FRMPD4: variants seen among roughly 807,000 people sequenced by gnomAD.
The protein encoded by FRMPD4 is FERM and PDZ domain containing 4, also known as FERM and PDZ domain-containing protein 4.
Under a neutral mutation model 94.1 loss-of-function variants are expected in FRMPD4, and 22 were observed. The ratio of observed to expected loss-of-function variants is 0.23; its 90% CI spans 0.17 to 0.33. The LOEUF (loss-of-function observed/expected upper bound fraction) is 0.33, where lower values mean the gene tolerates loss of function less well. FRMPD4 is among the 10% of genes least tolerant of loss of function. FRMPD4 has a pLI of 1.00. For missense variants in FRMPD4, 1,111 were observed against 1,339.9 expected, an observed-to-expected ratio of 0.83 and a Z score of 2.67; for synonymous variants, 631 against 548.6, an observed-to-expected ratio of 1.15 and a Z score of -2.10.
At chrX:12,273,801 C>G (rs1393199295) in intron 1 of FRMPD4, among the ~76,000 whole-genome samples, 1 of 112,514 alleles carries the variant, frequency 8.9e-6, no homozygotes, top group African/African-American at 3.2e-5. Context: ...TCTCATTGTA[C>G]TGAGTTTTCA....
At chrX:12,121,841 G>A (rs2055457036) in intron 3 of FRMPD4, among the ~76,000 whole-genome samples, 1 of 111,329 alleles carries the variant, frequency 9.0e-6, no homozygotes, top group African/African-American at 3.3e-5. Flanking sequence ...TCCTAGGGAC[G>A]ATCTGGATCT....
intron 3 of FRMPD4, among the ~76,000 whole-genome samples, chrX:12,103,826 T>C (rs1457527281): frequency 8.9e-6 from 1 of 112,403 alleles, no homozygotes; most frequent in Non-Finnish European, 1.9e-5. Context: ...ATAAGTATTC[T>C]TCCAGTAGAA....
At chrX:12,461,264 A>G (rs2057387930) in intron 1 of FRMPD4, among the ~76,000 whole-genome samples, 1 of 112,032 alleles carries the variant, frequency 8.9e-6, no homozygotes, top group South Asian at 3.7e-4. Flanking sequence ...TGATACATGC[A>G]TGTAACTAAC....
intron 3 of FRMPD4, among the ~76,000 whole-genome samples, chrX:12,047,190 G>GTT (rs1009244425): frequency 9.2e-6 from 1 of 108,625 alleles, no homozygotes; most frequent in African/African-American, 3.3e-5. Flanking sequence ...TATATGTATG[G>GTT]TTATATATAT....
chrX:12,226,659 G>C (rs751861634), intron 1 of FRMPD4, among the ~76,000 whole-genome samples: 14 of 111,289 alleles, frequency 1.3e-4, no homozygotes, highest in Non-Finnish European at 2.6e-4. Flanking sequence ...ATCAGAATTT[G>C]TGTCAATTTC....
intron 4 of FRMPD4, among the ~76,000 whole-genome samples, chrX:12,651,649 C>T (rs915113110): frequency 1.8e-5 from 2 of 111,355 alleles, no homozygotes; most frequent in African/African-American, 6.5e-5. Context: ...TATTACATTA[C>T]AGTCTCTGGC....
At chrX:12,715,999 C>CGGGG in intron 14 of FRMPD4, 70 bp from the exon 15 acceptor site, 1 of 337,360 alleles carries the variant, frequency 3.0e-6, no homozygotes, top group Non-Finnish European at 5.4e-6. Flanking sequence ...CAGAGACGAG[C>CGGGG]CTCCCACCCC....
intron 2 of FRMPD4, among the ~76,000 whole-genome samples, chrX:12,540,053 A>C (rs2058389256): frequency 8.9e-6 from 1 of 112,212 alleles, no homozygotes; most frequent in African/African-American, 3.2e-5. Flanking sequence ...AGATTCTGTC[A>C]CCACCAGGCC....
intron 3 of FRMPD4, among the ~76,000 whole-genome samples, chrX:12,062,610 A>G (rs2054893634): frequency 9.0e-6 from 1 of 110,936 alleles, no homozygotes; most frequent in Admixed American, 9.6e-5. Flanking sequence ...TCTCCTCAGC[A>G]GTGTTTTAGT....
At position 12,574,013 on chromosome X, in the gene FRMPD4, A is replaced by G. The variant is rs73444843; in HGVS notation, c.159-35708A>G. On this transcript the variant is annotated intron_variant, in intron 2 of 16. Coordinates refer to ENST00000675598, the MANE Select transcript of FRMPD4 (RefSeq NM_001368397.1). ...ATAATGAGTTTATTTATTTTTATTT[A>G]TTTTTTTGAGACAGTCTCACGCTGT... 9.1e-3 allele frequency among the ~76,000 whole-genome samples: 1,016 copies of G among 111,653 alleles called. 12 individuals are homozygous for G. Among genetic ancestry groups the G allele is most frequent in the African/African-American group, 0.029 (904 of 30,735 alleles).
At chrX:11,885,627 A>C (rs1474067689) in intron 3 of FRMPD4, among the ~76,000 whole-genome samples, 1 of 111,476 alleles carries the variant, frequency 9.0e-6, no homozygotes, top group Non-Finnish European at 1.9e-5. Flanking sequence ...CCTACCACCA[A>C]TAAAATTAGG....
intron 1 of FRMPD4, among the ~76,000 whole-genome samples, chrX:12,324,807 T>A (rs1162373097): frequency 9.1e-6 from 1 of 109,306 alleles, no homozygotes; most frequent in African/African-American, 3.5e-5. Flanking sequence ...TATTTTCTAA[T>A]TAGGTAAGAT....
At chrX:12,572,067 T>C (rs1449927373) in intron 2 of FRMPD4, among the ~76,000 whole-genome samples, 1 of 112,304 alleles carries the variant, frequency 8.9e-6, no homozygotes, top group Non-Finnish European at 1.9e-5. Context: ...TTATTCAAAA[T>C]ACTCCTACCC....
intron 1 of FRMPD4, among the ~76,000 whole-genome samples, chrX:12,336,612 A>G (rs776898227): frequency 4.5e-5 from 5 of 111,378 alleles, no homozygotes; most frequent in Non-Finnish European, 9.4e-5. Flanking sequence ...GACACTGTAC[A>G]GGGAACCATA....
intron 1 of FRMPD4, among the ~76,000 whole-genome samples, chrX:12,455,544 G>A (rs367752895): frequency 8.1e-5 from 9 of 111,799 alleles, no homozygotes; most frequent in African/African-American, 2.9e-4. Context: ...TCTTATATAA[G>A]ATGATTCGTG....
chrX:12,283,490 C>A (rs2054555888), intron 1 of FRMPD4, among the ~76,000 whole-genome samples: 1 of 112,193 alleles, frequency 8.9e-6, no homozygotes, highest in Non-Finnish European at 1.9e-5. Flanking sequence ...TTGGTGCACT[C>A]TTAATTAATG....
intron 1 of FRMPD4, among the ~76,000 whole-genome samples, chrX:11,861,613 A>C (rs2147297814): frequency 9.0e-6 from 1 of 111,607 alleles, no homozygotes; most frequent in South Asian, 3.8e-4. Flanking sequence ...AATAGGTACA[A>C]TCCTACCTGA....
chrX:12,001,180 A>G (rs1311902713), intron 3 of FRMPD4, among the ~76,000 whole-genome samples: 1 of 111,679 alleles, frequency 9.0e-6, no homozygotes, highest in Admixed American at 9.6e-5. Context: ...GTATCTCTCT[A>G]TATACACCCC....
chrX:12,526,232 A>G (rs1007730768), intron 2 of FRMPD4, among the ~76,000 whole-genome samples: 1 of 111,934 alleles, frequency 8.9e-6, no homozygotes, highest in Non-Finnish European at 1.9e-5. Flanking sequence ...TCATCAAAGT[A>G]TAGTCTGTCT....
Sources: allele counts gnomAD v4.1 joint callset (sites outside exome capture counted in the v4.1 genomes callset), GRCh38; gene constraint gnomAD v4.1.1; transcripts MANE v1.5; gene names NCBI Gene and HGNC (gene_info 2026-07-23, HGNC 2026-07-21).